The following NUP155 variants were observed in gnomAD, a reference collection of about 807,000 sequenced individuals.
NUP155 encodes nuclear pore complex protein Nup155.
A neutral mutation model predicts 180.4 loss-of-function variants in NUP155; 71 were observed. The ratio of observed to expected loss-of-function variants is 0.39; its 90% CI spans 0.33 to 0.48. NUP155 has a LOEUF of 0.48. NUP155 is among the 20% of genes least tolerant of loss of function. The pLI is 0.91. For synonymous variants in NUP155, 582 were observed against 559.5 expected, an observed-to-expected ratio of 1.04 and a Z score of -0.57; for missense variants, 1,553 against 1,648.9, an observed-to-expected ratio of 0.94 and a Z score of 1.01.
chr5:37,367,443 G>A (rs1363274940), intron 1 of NUP155, among the ~76,000 whole-genome samples: 3 of 151,514 alleles, frequency 2.0e-5, no homozygotes, highest in African/African-American at 7.3e-5. Flanking sequence ...TCAAACTCCT[G>A]ACCTCAAGTG....
intron 12 of NUP155, among the ~76,000 whole-genome samples, chr5:37,337,403 CAA>C (rs1194219362): frequency 1.3e-5 from 2 of 151,152 alleles, no homozygotes; most frequent in African/African-American, 2.4e-5. Context: ...GACAAAATTA[CAA>C]AGAGATTGTT....
intron 22 of NUP155, among the ~76,000 whole-genome samples, chr5:37,312,658 T>C (rs555724358): frequency 3.3e-5 from 5 of 152,196 alleles, no homozygotes; most frequent in South Asian, 4.1e-4. Context: ...TGAAACCCCA[T>C]CTCCACAAAA....
chr5:37,301,609 G>A, intron 29 of NUP155, 59 bp from the exon 30 acceptor site: 1 of 1,011,472 alleles, frequency 9.9e-7, no homozygotes, highest in South Asian at 1.3e-5. Context: ...ACATACGTTT[G>A]AAAGAACGGA....
intron 33 of NUP155, 141 bp from the exon 34 acceptor site, chr5:37,293,126 T>C: frequency 1.6e-6 from 1 of 638,458 alleles, no homozygotes; most frequent in Non-Finnish European, 2.8e-6. Context: ...GCTACTAAAT[T>C]ATATATCTGA....
rs759399506 is a variant in NUP155 at position 37,341,178 on chromosome 5, C to T, written c.1158G>A (p.Thr386=). 5.0e-6 allele frequency: 8 copies of T among 1,613,858 alleles called. No individual in the cohort carries two copies. The highest frequency in any genetic ancestry group is 3.3e-5 in the South Asian group (3 of 91,074). The change falls in exon 11 of 35, where the codon ACG becomes ACA. Residue 386 remains threonine (T), a synonymous_variant. Transcript: ENST00000231498. ...CAGGAGGTAAGCGGACATGAACCAG[C>T]GTCAGTGTATTAGGCCGTGCTAATG... is the stretch of plus-strand genomic sequence containing the variant. The part of the protein sequence containing the change: ...RQPLARPNTL[T]LVHVRLPPGF...
At position 37,325,887 on chromosome 5, in the gene NUP155, T is replaced by C. The variant is rs1365705637; in HGVS notation, c.2091+14A>G. 2 of 1,541,876 alleles carry C rather than the reference T, an allele frequency of 1.3e-6. No individual in the cohort carries two copies. Among genetic ancestry groups the C allele is most frequent in the Admixed American group, 3.3e-5 (2 of 59,862 alleles). On this transcript the variant is annotated intron_variant, in intron 19 of 34. Transcript: ENST00000231498. ...GCTACACAAAAATAACAAAATAATA[T>C]TATACACACTTACTGCAGTGATCTC...
intron 10 of NUP155, among the ~76,000 whole-genome samples, chr5:37,341,844 T>G (rs925519626): frequency 6.6e-6 from 1 of 152,136 alleles, no homozygotes; most frequent in African/African-American, 2.4e-5. Context: ...CCGGCTCCCC[T>G]GACTGATCTT....
Position 37,358,149 on chromosome 5 carries a change from C to T in NUP155, c.395G>A (p.Gly132Glu). The T allele has an allele frequency of 6.2e-7, 1 of 1,610,806 alleles. No individual in the cohort carries two copies. The highest frequency in any genetic ancestry group is 8.5e-7 in the Non-Finnish European group (1 of 1,177,118). Residue 132 changes from glycine to glutamate, a missense_variant and splice_region_variant, in exon 4 of 35, where the codon GGA becomes GAA. Gly to Glu is a moderately conservative substitution (Grantham distance 98). Transcript: ENST00000231498. ...DIFMWNYEDGGDLAYFDGLSE... is the reference protein window; with the variant it reads ...DIFMWNYEDGEDLAYFDGLSE... ...AAGTCCATCAAAATAGGCAAGGTCT[C>T]CTCTGTGAATAAATGAAGAAAAACA...
At chr5:37,357,338 A>G (rs1449240289) in intron 4 of NUP155, among the ~76,000 whole-genome samples, 2 of 126,444 alleles carry the variant, frequency 1.6e-5, no homozygotes, top group Admixed American at 1.9e-4. Flanking sequence ...TTGAGGCTGT[A>G]GTGAGCCATG....
At chr5:37,309,504 T>A (rs1743391838) in intron 23 of NUP155, 1 of 474,162 alleles carries the variant, frequency 2.1e-6, no homozygotes, top group Non-Finnish European at 3.8e-6. Flanking sequence ...CTGGTAATTC[T>A]CTTGCCTAGT....
rs748758687 is a variant in NUP155 at position 37,294,481 on chromosome 5, AAGATCGGAAATTT to A, written c.3794-29_3794-17del. The A allele has an allele frequency of 6.2e-7, 1 of 1,612,780 alleles. No homozygotes were observed. The highest frequency in any genetic ancestry group is 2.2e-5 in the East Asian group (1 of 44,804). On this transcript the variant is annotated splice_polypyrimidine_tract_variant and intron_variant, in intron 32 of 34. Coordinates refer to ENST00000231498, the MANE Select transcript of NUP155 (RefSeq NM_153485.3). Reference sequence around the variant, plus strand: ...ACAATAAAATCTGGGAAGAAAAAAAAAGATCGGAAATTTGGATTTTTAGCTCTTGATACTAAAA... The same window carrying A: ...ACAATAAAATCTGGGAAGAAAAAAAAGGATTTTTAGCTCTTGATACTAAAA...
At position 37,303,353 on chromosome 5, in the gene NUP155, A is replaced by C. The variant is rs753078146; in HGVS notation, c.3224T>G (p.Val1075Gly). Residue 1075 changes from valine to glycine, a missense_variant, in exon 28 of 35, where the codon GTT (valine) becomes GGT (glycine). Val to Gly is a moderately radical substitution (Grantham distance 109). Coordinates refer to ENST00000231498, the MANE Select transcript of NUP155 (RefSeq NM_153485.3). The stretch of plus-strand genomic sequence containing the variant: ...CCGCCAGAGTAAATCCATATAACGA[A>C]CTCTGTTTTGATCAACTTTGGCCAT... The part of the protein sequence containing the change: ...VRMAKVDQNR[V>G]RYMDLLWRYY... 2 of 1,613,912 alleles carry C rather than the reference A, an allele frequency of 1.2e-6. No homozygotes were observed. Among genetic ancestry groups the C allele is most frequent in the Non-Finnish European group, 1.7e-6 (2 of 1,179,978 alleles).
chr5:37,292,425 C>T (rs1226142673), intron 34 of NUP155, among the ~76,000 whole-genome samples: 1 of 152,044 alleles, frequency 6.6e-6, no homozygotes, highest in Non-Finnish European at 1.5e-5. Flanking sequence ...ACGTGTTAGC[C>T]AGGATGGTCT....
intron 1 of NUP155, among the ~76,000 whole-genome samples, chr5:37,365,153 T>C (rs776617482): frequency 8.6e-5 from 13 of 151,586 alleles, no homozygotes; most frequent in Non-Finnish European, 1.9e-4. Context: ...TCCCAGCTAC[T>C]GCGGAGGCTG....
intron 3 of NUP155, among the ~76,000 whole-genome samples, chr5:37,361,311 G>C (rs945863837): frequency 4.7e-5 from 7 of 148,024 alleles, no homozygotes; most frequent in Non-Finnish European, 8.9e-5. Flanking sequence ...GAAAAGGAGA[G>C]AGAGAGAGAG....
intron 3 of NUP155, among the ~76,000 whole-genome samples, chr5:37,359,397 T>C (rs1180638164): frequency 6.6e-6 from 1 of 151,758 alleles, no homozygotes; most frequent in East Asian, 1.9e-4. Flanking sequence ...GGGGCAGGGA[T>C]AAGGGTAAGA....
At chr5:37,330,274 GTGTTAAAAAGA>G in intron 14 of NUP155, 142 bp from the exon 15 acceptor site, 2 of 668,344 alleles carry the variant, frequency 3.0e-6, no homozygotes, top group Non-Finnish European at 5.5e-6. Flanking sequence ...AAATCAGTTA[GTGTTAAAAAGA>G]CAAGTAAACA....
chr5:37,332,340 T>TA (rs1299627386), intron 13 of NUP155, among the ~76,000 whole-genome samples: 2 of 127,452 alleles, frequency 1.6e-5, no homozygotes, highest in Non-Finnish European at 3.3e-5. Context: ...TTTTTTTTTT[T>TA]AGACGGAGTC....
intron 30 of NUP155, chr5:37,301,058 A>G (rs1581131978): frequency 4.0e-6 from 1 of 249,740 alleles, no homozygotes; most frequent in East Asian, 1.0e-4. Context: ...TCCTGACCTC[A>G]GGTGATCTGC....
Sources: gnomAD v4.1 joint callset for allele counts (sites outside exome capture counted in the v4.1 genomes callset) on GRCh38, gnomAD v4.1.1 for gene constraint, MANE v1.5 for transcripts, NCBI Gene and HGNC (gene_info 2026-07-23, HGNC 2026-07-21) for gene names.